Variants in DMD observed in about 807,000 individuals in gnomAD.
The protein encoded by DMD is mutant dystrophin.
In DMD, 63 loss-of-function variants were observed where a neutral mutation model predicts 330.1. The observed-to-expected ratio is 0.19, with a 90% CI of 0.16 to 0.24. The LOEUF is 0.24. DMD is among the 10% of genes least tolerant of loss of function. DMD has a pLI of 1.00. For missense variants in DMD, 3,344 were observed against 2,684.1 expected (o/e 1.25, Z -5.43); for synonymous variants, 1,223 against 959.8 (o/e 1.27, Z -5.07).
intron 1 of DMD, among the ~76,000 whole-genome samples, chrX:33,110,980 G>A (rs2095335199): frequency 9.1e-6 from 1 of 110,077 alleles, no homozygotes. Flanking sequence ...CTTGTCAATG[G>A]GTATGATACG....
intron 30 of DMD, among the ~76,000 whole-genome samples, chrX:32,408,912 C>CTAT (rs2098130760): frequency 9.2e-6 from 1 of 108,815 alleles, no homozygotes; most frequent in Non-Finnish European, 1.9e-5. Flanking sequence ...ATCTATCTAT[C>CTAT]CATCCATCAA....
At chrX:31,831,640 C>A (rs1168277219) in intron 49 of DMD, among the ~76,000 whole-genome samples, 2 of 111,304 alleles carry the variant, frequency 1.8e-5, no homozygotes, top group Non-Finnish European at 3.8e-5. Context: ...ACTCTGTCAC[C>A]CAGGCTGGAG....
intron 62 of DMD, chrX:31,266,697 G>A: frequency 1.2e-6 from 1 of 806,694 alleles, no homozygotes; most frequent in Non-Finnish European, 1.8e-6. Flanking sequence ...CCGGCGCCCC[G>A]GGTCCAGCCG....
intron 29 of DMD, among the ~76,000 whole-genome samples, chrX:32,436,346 T>C (rs1025678548): frequency 2.1e-4 from 24 of 111,964 alleles, no homozygotes; most frequent in Non-Finnish European, 4.5e-4. Flanking sequence ...CTGTGCCCTG[T>C]CTGGACCCTG....
intron 12 of DMD, among the ~76,000 whole-genome samples, chrX:32,601,300 T>C (rs2149290840): frequency 8.9e-6 from 1 of 112,189 alleles, no homozygotes; most frequent in African/African-American, 3.2e-5. Context: ...CAGGCTACCC[T>C]AGAAAAGCTT....
intron 15 of DMD, among the ~76,000 whole-genome samples, chrX:32,566,990 G>A (rs2051798303): frequency 8.9e-6 from 1 of 112,012 alleles, no homozygotes; most frequent in Admixed American, 9.5e-5. Context: ...ACATACCACA[G>A]AGCAAATTGT....
At chrX:31,509,139 T>C (rs1300439162) in intron 55 of DMD, among the ~76,000 whole-genome samples, 1 of 111,709 alleles carries the variant, frequency 9.0e-6, no homozygotes, top group Non-Finnish European at 1.9e-5. Context: ...ACCAGGTTTG[T>C]ACTGGAAGGA....
At chrX:31,569,641 T>TATATAAGTATATATAC (rs771071830) in intron 55 of DMD, among the ~76,000 whole-genome samples, 1 of 82,864 alleles carries the variant, frequency 1.2e-5, no homozygotes, top group Non-Finnish European at 2.5e-5. Flanking sequence ...CGTATATATA[T>TATATAAGTATATATAC]GTATATACGT....
intron 55 of DMD, among the ~76,000 whole-genome samples, chrX:31,619,404 A>C (rs1192278032): frequency 9.4e-6 from 1 of 106,627 alleles, no homozygotes; most frequent in African/African-American, 3.5e-5. Context: ...ATTATTCTTT[A>C]TTAATTAATA....
chrX:32,751,713 T>A lies in DMD; in HGVS notation c.650-52420A>T, dbSNP rs757442893. 3.6e-5 allele frequency among the ~76,000 whole-genome samples: 4 copies of A among 112,196 alleles called. No individual in the cohort carries two copies. In the East Asian group the frequency reaches 1.1e-3, roughly 32 times the overall value. On this transcript the variant is annotated intron_variant, in intron 7 of 78. Coordinates refer to ENST00000357033, the MANE Select transcript of DMD (RefSeq NM_004006.3). ...ATGTCTCCAGGGCACGTCAGAGACC[T>A]TTGTGGCAGCCCCTCCCATCACATG...
intron 1 of DMD, among the ~76,000 whole-genome samples, chrX:33,028,698 A>G (rs754220517): frequency 8.9e-6 from 1 of 112,542 alleles, no homozygotes; most frequent in African/African-American, 3.2e-5. Context: ...TAACTTATCA[A>G]TCAATCCTTC....
At chrX:32,625,924 G>A (rs1168671719) in intron 11 of DMD, among the ~76,000 whole-genome samples, 3 of 111,400 alleles carry the variant, frequency 2.7e-5, no homozygotes, top group East Asian at 2.8e-4. Flanking sequence ...AATAAAAGGA[G>A]GTAATGTATT....
intron 11 of DMD, 150 bp from the exon 12 acceptor site, chrX:32,614,603 T>C (rs980863390): frequency 4.3e-5 from 21 of 482,975 alleles, no homozygotes; most frequent in Middle Eastern, 5.8e-4. Flanking sequence ...TAAAGCCCAC[T>C]ATCAGTCACC....
intron 74 of DMD, 93 bp from the exon 75 acceptor site, chrX:31,147,611 T>A: frequency 1.5e-6 from 1 of 681,992 alleles, no homozygotes; most frequent in Non-Finnish European, 2.2e-6. Context: ...AAATTTTATA[T>A]ACCATGGTAG....
At chrX:32,730,317 G>A (rs766258524) in intron 7 of DMD, among the ~76,000 whole-genome samples, 1 of 112,418 alleles carries the variant, frequency 8.9e-6, no homozygotes, top group East Asian at 2.8e-4. Context: ...GTGCACTCCA[G>A]CCTGGGCAAA....
At chrX:32,549,717 C>T (rs1603636049) in intron 16 of DMD, among the ~76,000 whole-genome samples, 1 of 111,194 alleles carries the variant, frequency 9.0e-6, no homozygotes, top group Non-Finnish European at 1.9e-5. Flanking sequence ...TGCCAGCATC[C>T]TGATATTATT....
chrX:32,733,474 C>T (rs2067998547), intron 7 of DMD, among the ~76,000 whole-genome samples: 1 of 110,878 alleles, frequency 9.0e-6, no homozygotes. Flanking sequence ...TTTTCAGCAC[C>T]ACACCACACC....
At chrX:31,839,173 CTTAT>C (rs1005709587) in intron 48 of DMD, among the ~76,000 whole-genome samples, 5 of 111,737 alleles carry the variant, frequency 4.5e-5, no homozygotes, top group African/African-American at 1.3e-4. Flanking sequence ...AACCTACAGT[CTTAT>C]TTAAACTGTT....
chrX:32,812,197 CTACA>C (rs1329014864), intron 6 of DMD, among the ~76,000 whole-genome samples: 1 of 111,342 alleles, frequency 9.0e-6, no homozygotes, highest in Non-Finnish European at 1.9e-5. Flanking sequence ...TGAACAGAGT[CTACA>C]TACAGTTTTA....
Sources: gnomAD v4.1 joint callset for allele counts (sites outside exome capture counted in the v4.1 genomes callset) on GRCh38, gnomAD v4.1.1 for gene constraint, MANE v1.5 for transcripts, NCBI Gene and HGNC (gene_info 2026-07-23, HGNC 2026-07-21) for gene names.